The following TNNI3K variants were observed in gnomAD, a reference collection of about 807,000 sequenced individuals.
The protein encoded by TNNI3K is TNNI3 interacting kinase.
A neutral mutation model predicts 114.5 loss-of-function variants in TNNI3K; 140 were observed. That is an observed-to-expected ratio of 1.22 (90% CI 1.07 to 1.41). TNNI3K has a LOEUF of 1.41. Among genes scored for constraint, TNNI3K ranks in the 40% most tolerant of loss-of-function variants. The pLI, the probability that TNNI3K is intolerant of heterozygous loss-of-function variation, is 0.00. For synonymous variants in TNNI3K, 347 were observed against 347.5 expected (o/e 1.00, Z 0.02); for missense variants, 1,125 against 1,007.6 (o/e 1.12, Z -1.58).
intron 17 of TNNI3K, chr1:74,418,232 C>A: frequency 4.5e-6 from 2 of 449,172 alleles, no homozygotes; most frequent in Non-Finnish European, 4.5e-6. Flanking sequence ...TGAGGCAGTG[C>A]ATCAGAAAGA....
chr1:74,529,059 T>A (rs1399159), intron 23 of TNNI3K, among the ~76,000 whole-genome samples: 140,225 of 152,256 alleles, frequency 0.92, 64,848 homozygotes, highest in Non-Finnish European at 0.96. Flanking sequence ...ACATCAATAA[T>A]ATTGTAACTA....
chr1:74,463,376 G>A lies in TNNI3K; in HGVS notation c.2012-65G>A, dbSNP rs951372731. 2.6e-6 allele frequency: 4 copies of A among 1,546,412 alleles called. No homozygotes were observed. In the African/African-American group the frequency reaches 4.1e-5, roughly 16 times the overall value. On this transcript the variant is annotated intron_variant, in intron 20 of 24. Coordinates refer to ENST00000326637, the MANE Select transcript of TNNI3K (RefSeq NM_015978.3). The stretch of plus-strand genomic sequence containing the variant: ...TTTTAATGCCTTTTTGTGTGTGTGT[G>A]TCTTCATTTGTTGCTTGAAATAAAC...
At chr1:74,472,550 C>T (rs1012339281) in intron 21 of TNNI3K, among the ~76,000 whole-genome samples, 5 of 151,942 alleles carry the variant, frequency 3.3e-5, no homozygotes, top group Non-Finnish European at 7.4e-5. Flanking sequence ...GTAATTTTTT[C>T]CTGAATTCAT....
chr1:74,367,038 A>G (rs1403482315), intron 11 of TNNI3K, among the ~76,000 whole-genome samples: 1 of 152,008 alleles, frequency 6.6e-6, no homozygotes, highest in African/African-American at 2.4e-5. Flanking sequence ...ACCAGTACCC[A>G]TTCCCAGTAG....
intron 9 of TNNI3K, among the ~76,000 whole-genome samples, chr1:74,350,591 A>G (rs61776202): frequency 3.3e-5 from 5 of 152,052 alleles, no homozygotes; most frequent in Admixed American, 1.3e-4. Context: ...TTATTATTGT[A>G]TGGGAGTCTA....
intron 20 of TNNI3K, among the ~76,000 whole-genome samples, chr1:74,444,585 A>T (rs1186162713): frequency 6.6e-6 from 1 of 152,212 alleles, no homozygotes; most frequent in Admixed American, 6.5e-5. Context: ...AAGAATCAAC[A>T]TCATGAAAAT....
At chr1:74,442,063 A>G (rs1666397114) in intron 20 of TNNI3K, among the ~76,000 whole-genome samples, 2 of 152,036 alleles carry the variant, frequency 1.3e-5, no homozygotes, top group East Asian at 3.9e-4. Flanking sequence ...TATTTTTTTT[A>G]TAGAAGTCTT....
intron 17 of TNNI3K, among the ~76,000 whole-genome samples, chr1:74,413,072 C>G (rs11802184): frequency 1.1e-4 from 17 of 152,120 alleles, no homozygotes; most frequent in African/African-American, 4.1e-4. Context: ...ACAATGCCAC[C>G]TTCATGAATT....
chr1:74,367,158 A>G (rs1662316623), intron 11 of TNNI3K, 98 bp from the exon 12 acceptor site: 11 of 1,156,592 alleles, frequency 9.5e-6, no homozygotes, highest in Admixed American at 2.0e-5. Context: ...GATTTGTCCT[A>G]TGTTGTAAGC....
intron 4 of TNNI3K, among the ~76,000 whole-genome samples, chr1:74,270,558 T>G (rs1204700201): frequency 6.6e-6 from 1 of 151,796 alleles, no homozygotes; most frequent in Non-Finnish European, 1.5e-5. Context: ...TTTACCAAAG[T>G]TTTTTCATTT....
At chr1:74,436,570 A>G in intron 19 of TNNI3K, 44 bp downstream of exon 19, 1 of 1,562,090 alleles carries the variant, frequency 6.4e-7, no homozygotes, top group Non-Finnish European at 8.6e-7. Context: ...ACCAATTAAA[A>G]TATGTAAACT....
chr1:74,445,299 C>T (rs1482322263), intron 20 of TNNI3K, among the ~76,000 whole-genome samples: 7 of 145,250 alleles, frequency 4.8e-5, no homozygotes, highest in Non-Finnish European at 7.5e-5. Context: ...ATACATGTGC[C>T]GTGCTGGTGC....
At chr1:74,471,137 C>A (rs546272540) in intron 21 of TNNI3K, 4 of 400,748 alleles carry the variant, frequency 1.0e-5, no homozygotes, top group Middle Eastern at 3.1e-4. Context: ...ATGTGGCCAG[C>A]TGAGTAACAG....
chr1:74,405,292 A>C (rs1664561563), intron 17 of TNNI3K, among the ~76,000 whole-genome samples: 1 of 152,200 alleles, frequency 6.6e-6, no homozygotes, highest in African/African-American at 2.4e-5. Flanking sequence ...GAATATAGAT[A>C]TGAGTCTAAA....
chr1:74,416,461 AG>A (rs1184516131), intron 17 of TNNI3K: 48 of 967,452 alleles, frequency 5.0e-5, no homozygotes, highest in Middle Eastern at 5.2e-4. Context: ...AAGTTATTGG[AG>A]TAGATTCTCC....
intron 4 of TNNI3K, among the ~76,000 whole-genome samples, chr1:74,254,996 C>T (rs1172447894): frequency 6.6e-6 from 1 of 152,112 alleles, no homozygotes; most frequent in Non-Finnish European, 1.5e-5. Flanking sequence ...ATTAGGAATG[C>T]CTTTGTTCTA....
At chr1:74,349,660 G>A (rs1332749189) in intron 9 of TNNI3K, among the ~76,000 whole-genome samples, 1 of 152,168 alleles carries the variant, frequency 6.6e-6, no homozygotes, top group Non-Finnish European at 1.5e-5. Flanking sequence ...CCTGTTATTT[G>A]TCTATTCAGG....
chr1:74,359,227 T>C (rs926741595), intron 11 of TNNI3K, among the ~76,000 whole-genome samples: 3 of 152,038 alleles, frequency 2.0e-5, no homozygotes, highest in Non-Finnish European at 4.4e-5. Flanking sequence ...AGGATATTAA[T>C]AACCACTTTA....
intron 9 of TNNI3K, among the ~76,000 whole-genome samples, chr1:74,344,868 A>C (rs1238154426): frequency 6.6e-6 from 1 of 152,146 alleles, no homozygotes; most frequent in East Asian, 1.9e-4. Context: ...TTATAAAAGA[A>C]ACTCCTTTTA....
Sources: allele counts gnomAD v4.1 joint callset (sites outside exome capture counted in the v4.1 genomes callset), GRCh38; gene constraint gnomAD v4.1.1; transcripts MANE v1.5; gene names NCBI Gene and HGNC (gene_info 2026-07-23, HGNC 2026-07-21).